Variants in CDH8 observed in about 807,000 individuals in gnomAD.
CDH8 encodes the protein cadherin 8.
Under a neutral mutation model 68.1 loss-of-function variants are expected in CDH8, and 17 were observed. The observed-to-expected ratio is 0.25, with a 90% CI of 0.17 to 0.37. CDH8 has a LOEUF of 0.37. CDH8 is among the 10% of genes least tolerant of loss of function. The probability of loss-of-function intolerance (pLI) is 1.00; values close to 1 mark genes in which losing one functional copy is unlikely to be tolerated. For missense variants in CDH8, 763 were observed against 999.3 expected (o/e 0.76, Z 3.19); for synonymous variants, 372 against 365.1 (o/e 1.02, Z -0.21).
At chr16:62,007,925 C>T (rs1901711081) in intron 2 of CDH8, among the ~76,000 whole-genome samples, 1 of 151,832 alleles carries the variant, frequency 6.6e-6, no homozygotes, top group African/African-American at 2.4e-5. Flanking sequence ...TGGCTCTAGG[C>T]TCCTTTTTTA....
chr16:62,029,338 G>C (rs188035000), intron 1 of CDH8, among the ~76,000 whole-genome samples: 136 of 152,260 alleles, frequency 8.9e-4, no homozygotes, highest in African/African-American at 3.1e-3. Context: ...CCAATGTTCT[G>C]TGTAGACAGG....
Position 61,652,643 on chromosome 16 carries a change from T to G in CDH8, c.*965A>C. ...TAAACATTCATTGTATATATATTTA[T>G]ATAAAACAATCTAAAGGATTATTAA... On this transcript the variant is annotated 3_prime_UTR_variant, in exon 12 of 12. Transcript: ENST00000577390. The G allele has an allele frequency of 9.1e-7, 1 of 1,104,354 alleles. No individual in the cohort carries two copies. Among genetic ancestry groups the G allele is most frequent in the African/African-American group, 1.6e-5 (1 of 62,050 alleles). 68.4% of individuals were successfully genotyped at this position (1,104,354 alleles called of 1,614,324 possible). A position where few individuals can be genotyped will look rare whatever the true frequency, so the allele number is the denominator to read the frequency against.
At chr16:61,663,880 A>G (rs994310185) in intron 10 of CDH8, among the ~76,000 whole-genome samples, 2 of 152,020 alleles carry the variant, frequency 1.3e-5, no homozygotes, top group African/African-American at 2.4e-5. Context: ...ATGTGTGTGT[A>G]TGTGTGTCTT....
chr16:61,842,763 G>A (rs968857566), intron 4 of CDH8, among the ~76,000 whole-genome samples: 3 of 152,104 alleles, frequency 2.0e-5, no homozygotes, highest in Non-Finnish European at 4.4e-5. Flanking sequence ...AGGGAGCTAG[G>A]TGGTGTCATT....
chr16:61,738,994 C>T (rs1959786462), intron 8 of CDH8, among the ~76,000 whole-genome samples: 1 of 152,052 alleles, frequency 6.6e-6, no homozygotes, highest in African/African-American at 2.4e-5. Flanking sequence ...TTCCATGGTG[C>T]AACAGGTAAA....
intron 7 of CDH8, among the ~76,000 whole-genome samples, chr16:61,803,724 C>A (rs995272265): frequency 1.6e-4 from 24 of 147,034 alleles, no homozygotes; most frequent in Admixed American, 6.8e-4. Context: ...ACAAAGAAGG[C>A]CATTACATAA....
intron 3 of CDH8, among the ~76,000 whole-genome samples, chr16:61,880,852 G>A (rs1963561128): frequency 6.6e-6 from 1 of 152,180 alleles, no homozygotes; most frequent in Non-Finnish European, 1.5e-5. Context: ...ACATGAGATT[G>A]TGTCCATCAC....
At chr16:62,031,312 ATAGACT>A (rs1902318890) in intron 1 of CDH8, among the ~76,000 whole-genome samples, 1 of 152,198 alleles carries the variant, frequency 6.6e-6, no homozygotes, top group Admixed American at 6.5e-5. Flanking sequence ...GTGACTAAAA[ATAGACT>A]TAGGAGGACT....
intron 8 of CDH8, among the ~76,000 whole-genome samples, chr16:61,747,988 G>C (rs549121519): frequency 1.3e-5 from 2 of 152,094 alleles, no homozygotes; most frequent in South Asian, 4.1e-4. Flanking sequence ...CAACCAGTTT[G>C]ATGTAGATTT....
intron 2 of CDH8, among the ~76,000 whole-genome samples, chr16:61,957,809 T>C (rs1288452409): frequency 6.6e-6 from 1 of 152,148 alleles, no homozygotes; most frequent in Non-Finnish European, 1.5e-5. Context: ...CCGCCTCTGC[T>C]GACCACCGTA....
rs753677900 is a variant in CDH8 at position 61,727,108 on chromosome 16, C to G, written c.1522G>C (p.Gly508Arg). ...GAGATATTTACTTGGCCGGGTTTTC[C>G]ATTTTCACATAAAAATGCCTCATAT... Reference protein sequence around the residue: ...SEYEAFLCENGKPGQVIQTVS... With the variant: ...SEYEAFLCENRKPGQVIQTVS... Residue 508 changes from glycine (G) to arginine (R), a missense_variant, in exon 9 of 12, where the codon GGA (glycine) becomes CGA (arginine). Physicochemically the swap from Gly to Arg is moderately radical, Grantham distance 125 (BLOSUM62 -2). Around this residue, in one of 2 missense-constraint regions of CDH8, gnomAD observed 397 missense variants for 436.2 expected, o/e 0.91. Transcript: ENST00000577390. 1 of 1,610,660 alleles carries G rather than the reference C, an allele frequency of 6.2e-7. No homozygotes were observed. Among genetic ancestry groups the G allele is most frequent in the Non-Finnish European group, 8.5e-7 (1 of 1,177,786 alleles).
rs139929822 is a variant in CDH8, at chr16:61,922,052, G to A, written c.253-20579C>T. Among the ~76,000 whole-genome samples, 71 of 152,062 alleles carry A rather than the reference G, an allele frequency of 4.7e-4. 1 individual carries two copies. In the East Asian group the frequency reaches 0.013, roughly 27 times the overall value. ...GAAAAAAAAAAATAGAGGTCACATC[G>A]ATTCTAAGCCACCTCTTCAGAGACA... On this transcript the variant is annotated intron_variant, in intron 2 of 11. Transcript: ENST00000577390.
At chr16:61,747,597 G>GGA (rs1218310732) in intron 8 of CDH8, among the ~76,000 whole-genome samples, 7 of 151,820 alleles carry the variant, frequency 4.6e-5, no homozygotes, top group African/African-American at 1.7e-4. Context: ...GACCAATATT[G>GGA]GAGTCTTCAA....
At position 61,972,571 on chromosome 16, in the gene CDH8, G is replaced by GGGGTGTGT. The variant is rs369833002; in HGVS notation, c.252+48580_252+48581insACACACCC. On this transcript the variant is annotated intron_variant, in intron 2 of 11. Transcript: ENST00000577390. ...TTTTTTTTTCTGGGAACACATTGTG[G>GGGGTGTGT]GTGTGTGTGTGTGTGTGTGTGTGTG... Among the ~76,000 whole-genome samples the GGGGTGTGT allele has an allele frequency of 4.6e-3, 602 of 131,532 alleles. 8 individuals carry two copies. The highest frequency in any genetic ancestry group is 0.019 in the East Asian group (90 of 4,656). The allele number at this position is 131,532 out of a possible 152,430, so 86.3% of individuals were successfully genotyped here.
chr16:61,957,898 T>C (rs116697456), intron 2 of CDH8, among the ~76,000 whole-genome samples: 41 of 152,304 alleles, frequency 2.7e-4, no homozygotes, highest in African/African-American at 8.9e-4. Flanking sequence ...AAGAACCTAG[T>C]GCAGGGTCTG....
At chr16:62,015,996 T>C (rs1304102526) in intron 2 of CDH8, among the ~76,000 whole-genome samples, 1 of 152,178 alleles carries the variant, frequency 6.6e-6, no homozygotes, top group Non-Finnish European at 1.5e-5. Context: ...CACACTCAGT[T>C]ACCCTGACCC....
intron 11 of CDH8, 32 bp downstream of exon 11, chr16:61,655,438 G>A: frequency 6.2e-7 from 1 of 1,611,512 alleles, no homozygotes; most frequent in Non-Finnish European, 8.5e-7. Flanking sequence ...TCAGAAAAAG[G>A]GTGACCGGTA....
At chr16:62,007,111 T>C (rs1047077324) in intron 2 of CDH8, among the ~76,000 whole-genome samples, 2 of 152,112 alleles carry the variant, frequency 1.3e-5, no homozygotes, top group Non-Finnish European at 2.9e-5. Context: ...TTTCACCATA[T>C]TGATCAGGCT....
chr16:61,739,915 A>ATATATATATATATTT (rs373723105), intron 8 of CDH8, among the ~76,000 whole-genome samples: 1 of 109,578 alleles, frequency 9.1e-6, no homozygotes, highest in Non-Finnish European at 1.8e-5. Context: ...ATATATATGT[A>ATATATATATATATTT]TTTTTTTTTT....
Sources: gnomAD v4.1 joint callset for allele counts (sites outside exome capture counted in the v4.1 genomes callset) on GRCh38, gnomAD v4.1.1 for gene constraint, gnomAD v4.1.1 regional missense constraint, MANE v1.5 for transcripts, NCBI Gene and HGNC (gene_info 2026-07-23, HGNC 2026-07-21) for gene names.